ABCC11: variants seen among roughly 807,000 people sequenced by gnomAD.
ABCC11 encodes the protein ATP binding cassette subfamily C member 11.
A neutral mutation model predicts 149.3 loss-of-function variants in ABCC11; 135 were observed. The observed-to-expected ratio is 0.90, with a 90% confidence interval of 0.79 to 1.04. ABCC11 has a LOEUF of 1.04. Ranked by LOEUF, ABCC11 falls within the 50% of genes least tolerant of loss-of-function variation. The pLI, the probability that ABCC11 is intolerant of heterozygous loss-of-function variation, is 0.00. For missense variants in ABCC11, 1,680 were observed against 1,722.1 expected (o/e 0.98, Z 0.43); for synonymous variants, 665 against 671.4 (o/e 0.99, Z 0.15).
Position 48,214,949 on chromosome 16 carries a change from G to A in ABCC11, c.1180C>T (p.Pro394Ser). 6.2e-7 allele frequency: 1 copy of A among 1,614,090 alleles called. No homozygotes were observed. The highest frequency in any genetic ancestry group is 2.2e-5 in the East Asian group (1 of 44,872). Residue 394 changes from proline (P) to serine (S), a missense_variant, in exon 9 of 30, where the codon CCC becomes TCC. By Grantham distance (74) the Pro-to-Ser change is moderately conservative (BLOSUM62 -1). Coordinates refer to ENST00000356608, the MANE Select transcript of ABCC11 (RefSeq NM_001370497.1). ...ACCCAGACCGCTGTGGCCACTGTGG[G>A]GATGATGAACAAGGTTATACTTGTC... ...SLTSITLFIIPTVATAVWVLI... is the reference protein window; with the variant it reads ...SLTSITLFIISTVATAVWVLI...
intron 4 of ABCC11, among the ~76,000 whole-genome samples, chr16:48,226,971 G>C (rs1001308285): frequency 2.0e-5 from 3 of 152,120 alleles, no homozygotes; most frequent in African/African-American, 7.2e-5. Context: ...CATGAATACA[G>C]GATCTTTAAA....
At chr16:48,215,563 G>A (rs758272582) in intron 7 of ABCC11, among the ~76,000 whole-genome samples, 3 of 152,138 alleles carry the variant, frequency 2.0e-5, no homozygotes, top group East Asian at 1.9e-4. Flanking sequence ...AAACTAAACC[G>A]AAATGGTTCC....
Position 48,215,029 on chromosome 16 carries a change from T to A in ABCC11, c.1100A>T (p.Asp367Val). 6.2e-7 allele frequency: 1 copy of A among 1,612,530 alleles called. No individual in the cohort carries two copies. Among genetic ancestry groups the A allele is most frequent in the Non-Finnish European group, 8.5e-7 (1 of 1,179,294 alleles). The part of the protein sequence containing the change: ...WEKPFAKIIE[D>V]LRRKERKLLE... ...TAGTTTCCTTTCCTTCCTTCTTAGG[T>A]CTGGGAAATAAAAAAGAAATACACC... Residue 367 changes from aspartate to valine, a missense_variant and splice_region_variant, in exon 9 of 30, where the codon GAC (aspartate) becomes GTC (valine). By Grantham distance (152) the Asp-to-Val change is radical. Coordinates refer to ENST00000356608, the MANE Select transcript of ABCC11 (RefSeq NM_001370497.1).
intron 20 of ABCC11, among the ~76,000 whole-genome samples, chr16:48,191,345 G>A (rs919000132): frequency 1.3e-5 from 2 of 152,166 alleles, no homozygotes; most frequent in Non-Finnish European, 2.9e-5. Flanking sequence ...AGACCAGCCT[G>A]CGCAACATGG....
chr16:48,220,853 T>C (rs1446761084), intron 6 of ABCC11, among the ~76,000 whole-genome samples: 12 of 152,174 alleles, frequency 7.9e-5, no homozygotes, highest in African/African-American at 2.7e-4. Flanking sequence ...TGTTGGGCCT[T>C]TTGAGAGACA....
intron 1 of ABCC11, among the ~76,000 whole-genome samples, chr16:48,241,331 A>C (rs1226389309): frequency 6.6e-6 from 1 of 152,232 alleles, no homozygotes; most frequent in African/African-American, 2.4e-5. Context: ...GAACTTCTAC[A>C]AAATAACTGA....
chr16:48,216,376 C>T, intron 6 of ABCC11, 89 bp from the exon 7 acceptor site: 1 of 1,322,936 alleles, frequency 7.6e-7, no homozygotes, highest in Non-Finnish European at 1.1e-6. Flanking sequence ...CCTCTCCTAG[C>T]AGGAAGGCTT....
chr16:48,244,700 T>A, intron 1 of ABCC11: 1 of 1,047,200 alleles, frequency 9.5e-7, no homozygotes, highest in Non-Finnish European at 1.3e-6. Context: ...CGGCCTGCCT[T>A]GAGCGCGAGG....
chr16:48,222,205 G>C (rs112881222), intron 6 of ABCC11, among the ~76,000 whole-genome samples: 14 of 151,648 alleles, frequency 9.2e-5, no homozygotes, highest in African/African-American at 2.9e-4. Flanking sequence ...GGGATTACAA[G>C]ACATGAGCCA....
intron 13 of ABCC11, among the ~76,000 whole-genome samples, chr16:48,204,839 T>C (rs963164592): frequency 1.3e-5 from 2 of 152,130 alleles, no homozygotes; most frequent in South Asian, 2.1e-4. Flanking sequence ...TTCAATCTCA[T>C]GTCTTGGGCA....
At chr16:48,182,157 C>T (rs1333394991) in intron 23 of ABCC11, among the ~76,000 whole-genome samples, 1 of 152,250 alleles carries the variant, frequency 6.6e-6, no homozygotes, top group Non-Finnish European at 1.5e-5. Context: ...TACATGTGCT[C>T]ATGGACATAC....
chr16:48,200,478 A>G lies in ABCC11; in HGVS notation c.1880T>C (p.Ile627Thr). 6.2e-7 allele frequency: 1 copy of G among 1,613,856 alleles called. No individual in the cohort carries two copies. Among genetic ancestry groups the G allele is most frequent in the Middle Eastern group, 1.7e-4 (1 of 6,060 alleles). Residue 627 changes from isoleucine to threonine, a missense_variant and splice_region_variant, in exon 15 of 30, where the codon ATT (isoleucine) becomes ACT (threonine). Physicochemically the swap from Ile to Thr is moderately conservative, Grantham distance 89 (BLOSUM62 -1). Coordinates refer to ENST00000356608, the MANE Select transcript of ABCC11 (RefSeq NM_001370497.1). ...ELLPFGDMTE[I>T]GERGLNLSGG... The stretch of plus-strand genomic sequence containing the variant: ...AGAGAGGTTGAGGCCCCGCTCTCCA[A>G]TCTGCAGACAGGCAGTAAAAGGCAC...
At chr16:48,181,090 A>G (rs958805963) in intron 23 of ABCC11, among the ~76,000 whole-genome samples, 4 of 152,236 alleles carry the variant, frequency 2.6e-5, no homozygotes. Flanking sequence ...GGGCAGCACC[A>G]GCACTGGGCA....
chr16:48,193,828 C>T, intron 19 of ABCC11, 51 bp downstream of exon 19: 3 of 1,476,536 alleles, frequency 2.0e-6, no homozygotes, highest in Non-Finnish European at 2.8e-6. Flanking sequence ...GAAGTCACCC[C>T]ACCTCACTCA....
At chr16:48,236,084 C>G (rs1970672797) in intron 1 of ABCC11, among the ~76,000 whole-genome samples, 1 of 152,210 alleles carries the variant, frequency 6.6e-6, no homozygotes, top group South Asian at 2.1e-4. Context: ...TTAGATCTTA[C>G]TCCTCCTGTA....
chr16:48,198,003 G>A lies in ABCC11; in HGVS notation c.2282C>T (p.Thr761Ile), dbSNP rs960457342. 5.0e-6 allele frequency: 8 copies of A among 1,614,162 alleles called. No individual in the cohort carries two copies. Among genetic ancestry groups the A allele is most frequent in the Non-Finnish European group, 6.8e-6 (8 of 1,180,038 alleles). Reference protein sequence around the residue: ...KPKVESQALATSLEESLNGNA... With the variant: ...KPKVESQALAISLEESLNGNA... The stretch of plus-strand genomic sequence containing the variant: ...TCCGTTGAGAGACTCTTCCAGGGAG[G>A]TGGCCAGAGCCTGACTTTCTACCTT... The change falls in exon 17 of 30, where the codon ACC (threonine) becomes ATC (isoleucine). Residue 761 changes from threonine (T) to isoleucine (I), a missense_variant. Thr to Ile is a moderately conservative substitution (Grantham distance 89, BLOSUM62 -1). Coordinates refer to ENST00000356608, the MANE Select transcript of ABCC11 (RefSeq NM_001370497.1).
At chr16:48,200,823 TA>T (rs1216789426) in intron 14 of ABCC11, among the ~76,000 whole-genome samples, 2 of 152,282 alleles carry the variant, frequency 1.3e-5, no homozygotes, top group East Asian at 3.9e-4. Context: ...TAATGTTTGA[TA>T]GCAGAATAGG....
At chr16:48,168,247 A>G (rs1965464631) in intron 28 of ABCC11, among the ~76,000 whole-genome samples, 1 of 129,756 alleles carries the variant, frequency 7.7e-6, no homozygotes, top group South Asian at 2.2e-4. Context: ...TAATGACTCA[A>G]ATTTGGGAAG....
chr16:48,187,902 T>C (rs1015327766), intron 20 of ABCC11, among the ~76,000 whole-genome samples: 1 of 152,024 alleles, frequency 6.6e-6, no homozygotes, highest in African/African-American at 2.4e-5. Context: ...CCAGACCAAA[T>C]TGAGGACTAG....
Sources: allele counts gnomAD v4.1 joint callset (sites outside exome capture counted in the v4.1 genomes callset), GRCh38; gene constraint gnomAD v4.1.1; transcripts MANE v1.5; gene names NCBI Gene and HGNC (gene_info 2026-07-23, HGNC 2026-07-21).